GULP1: variants seen among roughly 807,000 people sequenced by gnomAD.
The protein encoded by GULP1 is PTB domain-containing engulfment adapter protein 1.
Under a neutral mutation model 40.9 loss-of-function variants are expected in GULP1, and 19 were observed. That is an observed-to-expected ratio of 0.46 (90% CI 0.32 to 0.68). GULP1 has a LOEUF of 0.68. Ranked by LOEUF, GULP1 falls within the 30% of genes least tolerant of loss-of-function variation. The pLI, the probability that GULP1 is intolerant of heterozygous loss-of-function variation, is 0.03. For missense variants in GULP1, 312 were observed against 362.2 expected (o/e 0.86, Z 1.12); for synonymous variants, 119 against 117.6 (o/e 1.01, Z -0.08).
Position 188,569,277 on chromosome 2 carries a change from CCTGGCATACAGGAAATTT to C in GULP1, c.441_458del (p.Ala148_Leu153del), listed in dbSNP as rs764822698. The C allele has an allele frequency of 9.4e-6, 15 of 1,598,670 alleles. No individual in the cohort carries two copies. The highest frequency in any genetic ancestry group is 9.4e-6 in the Non-Finnish European group (11 of 1,166,252). On this transcript the variant is annotated inframe_deletion, in exon 8 of 12. Transcript: ENST00000409830. The stretch of plus-strand genomic sequence containing the variant: ...CTTTAACAATTGGCCAAGCATTTGA[CCTGGCATACAGGAAATTT>C]CTAGAATCAGGAGGAAAAGATGTTG...
chr2:188,470,037 T>C (rs1487794113), intron 2 of GULP1, among the ~76,000 whole-genome samples: 1 of 152,146 alleles, frequency 6.6e-6, no homozygotes, highest in Non-Finnish European at 1.5e-5. Context: ...AGATGTGCCT[T>C]TATCTGGTTT....
intron 1 of GULP1, among the ~76,000 whole-genome samples, chr2:188,339,060 A>T (rs1181223683): frequency 6.6e-6 from 1 of 152,120 alleles, no homozygotes; most frequent in Non-Finnish European, 1.5e-5. Flanking sequence ...ATGGTGATTG[A>T]CTCCTAGAAA....
At chr2:188,585,754 G>A (rs571209550) in intron 10 of GULP1, among the ~76,000 whole-genome samples, 32 of 152,290 alleles carry the variant, frequency 2.1e-4, no homozygotes, top group Non-Finnish European at 4.0e-4. Flanking sequence ...GACCTTTGAT[G>A]GGAGGGGCTG....
chr2:188,383,965 T>G (rs1425104769), intron 2 of GULP1, 76 bp downstream of exon 2: 1 of 152,200 alleles, frequency 6.6e-6, no homozygotes, highest in Non-Finnish European at 1.5e-5. Context: ...GCTTTTATTA[T>G]GTGTTGAATG....
At chr2:188,413,124 T>A (rs1002568112) in intron 2 of GULP1, among the ~76,000 whole-genome samples, 3 of 152,182 alleles carry the variant, frequency 2.0e-5, no homozygotes, top group Non-Finnish European at 4.4e-5. Flanking sequence ...TAATATATGT[T>A]ATGATTTATG....
At chr2:188,478,055 A>G (rs1436869255) in intron 3 of GULP1, among the ~76,000 whole-genome samples, 1 of 152,086 alleles carries the variant, frequency 6.6e-6, no homozygotes, top group Admixed American at 6.6e-5. Context: ...GCCATATAAT[A>G]CTAAATTCCC....
At chr2:188,589,842 C>G (rs996358607) in intron 11 of GULP1, 5 of 574,198 alleles carry the variant, frequency 8.7e-6, no homozygotes, top group African/African-American at 3.9e-5. Flanking sequence ...AATAAAAATT[C>G]AAACAACAGC....
chr2:188,569,432 A>G (rs1428346025), intron 8 of GULP1, 77 bp downstream of exon 8: 3 of 805,498 alleles, frequency 3.7e-6, no homozygotes, highest in African/African-American at 3.4e-5. Context: ...AAACAAATTT[A>G]GAAGCCCTGC....
intron 2 of GULP1, among the ~76,000 whole-genome samples, chr2:188,471,740 AGTT>A (rs2060610128): frequency 6.6e-6 from 1 of 152,106 alleles, no homozygotes; most frequent in Non-Finnish European, 1.5e-5. Context: ...TGTCCAGAAA[AGTT>A]GTTGTAGTTA....
intron 2 of GULP1, among the ~76,000 whole-genome samples, chr2:188,430,337 G>A (rs1393967335): frequency 1.3e-5 from 2 of 152,122 alleles, no homozygotes; most frequent in Non-Finnish European, 2.9e-5. Context: ...CAAAATCTTT[G>A]TTTCTTAAGC....
intron 2 of GULP1, among the ~76,000 whole-genome samples, chr2:188,394,285 G>A (rs893639547): frequency 2.0e-5 from 3 of 151,864 alleles, no homozygotes; most frequent in Non-Finnish European, 2.9e-5. Flanking sequence ...TTTGAGCTCT[G>A]AAATTCTGTC....
chr2:188,446,610 C>A (rs2058406982), intron 2 of GULP1, among the ~76,000 whole-genome samples: 1 of 152,156 alleles, frequency 6.6e-6, no homozygotes, highest in African/African-American at 2.4e-5. Context: ...TCTGTCTCTG[C>A]CACAAATGAC....
chr2:188,358,449 A>G (rs892096096), intron 1 of GULP1, among the ~76,000 whole-genome samples: 12 of 152,168 alleles, frequency 7.9e-5, no homozygotes, highest in African/African-American at 1.7e-4. Flanking sequence ...ATAGCTAACA[A>G]CAATTTATTG....
intron 4 of GULP1, 106 bp from the exon 5 acceptor site, chr2:188,522,650 G>C (rs929333047): frequency 2.0e-6 from 1 of 498,322 alleles, no homozygotes; most frequent in African/African-American, 1.9e-5. Flanking sequence ...TAACATATGA[G>C]TTTGCATTAC....
intron 1 of GULP1, among the ~76,000 whole-genome samples, chr2:188,374,919 T>C (rs1166406220): frequency 6.6e-6 from 1 of 152,166 alleles, no homozygotes; most frequent in African/African-American, 2.4e-5. Context: ...AAAATGCTAC[T>C]GAGCAAAAGA....
chr2:188,309,484 A>G (rs1472716750), intron 1 of GULP1, among the ~76,000 whole-genome samples: 3 of 152,126 alleles, frequency 2.0e-5, no homozygotes, highest in Non-Finnish European at 2.9e-5. Flanking sequence ...TAAATAAACA[A>G]GAAGAAATTA....
chr2:188,480,624 A>G (rs752201129), intron 3 of GULP1, among the ~76,000 whole-genome samples: 11 of 151,922 alleles, frequency 7.2e-5, no homozygotes, highest in South Asian at 4.1e-4. Flanking sequence ...AGATCTTTAA[A>G]AATTAGTCTA....
At chr2:188,446,345 C>G (rs1044288275) in intron 2 of GULP1, among the ~76,000 whole-genome samples, 2 of 152,106 alleles carry the variant, frequency 1.3e-5, no homozygotes, top group Non-Finnish European at 2.9e-5. Flanking sequence ...ACCCTGGAAC[C>G]ATTGACTTTC....
intron 2 of GULP1, among the ~76,000 whole-genome samples, chr2:188,442,710 G>A (rs2058044973): frequency 6.6e-6 from 1 of 152,142 alleles, no homozygotes; most frequent in African/African-American, 2.4e-5. Flanking sequence ...TAAAATTCAT[G>A]GAATGGTGCT....
Sources: allele counts gnomAD v4.1 joint callset (sites outside exome capture counted in the v4.1 genomes callset), GRCh38; gene constraint gnomAD v4.1.1; transcripts MANE v1.5; gene names NCBI Gene and HGNC (gene_info 2026-07-23, HGNC 2026-07-21).